Variants in ARHGEF15 observed in about 807,000 individuals in gnomAD.
ARHGEF15 encodes the protein Rho guanine nucleotide exchange factor (GEF) 15.
Under a neutral mutation model 79.7 loss-of-function variants are expected in ARHGEF15, and 58 were observed. The observed-to-expected ratio is 0.73, with a 90% confidence interval of 0.59 to 0.91. The LOEUF is 0.91. ARHGEF15 is among the 40% of genes least tolerant of loss of function. The probability of loss-of-function intolerance (pLI) is 0.00; values close to 1 mark genes in which losing one functional copy is unlikely to be tolerated. For missense variants in ARHGEF15, 1,012 were observed against 1,108.1 expected (o/e 0.91, Z 1.23); for synonymous variants, 442 against 456.0 (o/e 0.97, Z 0.39).
chr17:8,318,531 G>A lies in ARHGEF15; in HGVS notation c.1780-39G>A, dbSNP rs199669398. On this transcript the variant is annotated intron_variant, in intron 10 of 15. Transcript: ENST00000361926. The surrounding 1 kb of genome is among the most constrained non-coding windows in gnomAD (Gnocchi z 5.0). The stretch of plus-strand genomic sequence containing the variant: ...AGAGAGAAATGGTAGGGAGCAGGGG[G>A]CTGGCCGCTGGGGTGGTGACACAGC... 141 of 1,612,556 alleles carry A rather than the reference G, an allele frequency of 8.7e-5. No individual in the cohort carries two copies. Among genetic ancestry groups the A allele is most frequent in the Non-Finnish European group, 1.3e-5 (15 of 1,178,918 alleles).
intron 9 of ARHGEF15, among the ~76,000 whole-genome samples, chr17:8,317,256 C>T (rs76179142): frequency 0.014 from 2,160 of 151,976 alleles, 56 homozygotes; most frequent in African/African-American, 0.049. Flanking sequence ...CCACCATGCC[C>T]GGCTATTTAT....
intron 9 of ARHGEF15, among the ~76,000 whole-genome samples, chr17:8,317,002 C>T (rs1005251643): frequency 6.6e-6 from 1 of 151,756 alleles, no homozygotes; most frequent in African/African-American, 2.4e-5. Context: ...AGGCTGCTAT[C>T]GAACTCCTGA....
rs1597463646 is a variant in ARHGEF15, at chr17:8,315,570, G to A, written c.1417G>A (p.Glu473Lys). The A allele has an allele frequency of 2.5e-6, 4 of 1,607,800 alleles. No individual in the cohort carries two copies. Among genetic ancestry groups the A allele is most frequent in the East Asian group, 4.5e-5 (2 of 44,882 alleles). ...SNVQRVQGVS[E>K]RFLATLLSRV... ...TGTGCAGCGAGTCCAGGGAGTCAGC[G>A]AGCGGTCAGTGGCTTTCCGTCCTTC... is the stretch of plus-strand genomic sequence containing the variant. Residue 473 changes from glutamate (E) to lysine (K), a missense_variant, in exon 7 of 16, where the codon GAG (glutamate) becomes AAG (lysine). Transcript: ENST00000361926. This position sits in a 1 kb window ranked among gnomAD's most constrained non-coding sequence, Gnocchi z 4.3.
At chr17:8,320,729 G>A (rs971752714) in intron 15 of ARHGEF15, 113 bp from the exon 16 acceptor site, 5 of 925,850 alleles carry the variant, frequency 5.4e-6, no homozygotes, top group Non-Finnish European at 8.2e-6. Flanking sequence ...GCTTGTCCAT[G>A]AATTCCCACA....
At position 8,319,527 on chromosome 17, in the gene ARHGEF15, G is replaced by A. The variant is rs116448253; in HGVS notation, c.2298G>A (p.Ser766=). 6.0e-5 allele frequency: 97 copies of A among 1,610,604 alleles called. 2 individuals carry two copies. Among genetic ancestry groups the A allele is most frequent in the East Asian group, 5.6e-4 (25 of 44,854 alleles). ...GTTCCCAGGAACTGTGTTCAGAGTC[G>A]TCTGCACCTGCCAAGACTGAAGGAC... ...CDCSQELCSE[S]SAPAKTEGRS... Residue 766 remains serine, a synonymous_variant, in exon 15 of 16, where the codon TCG becomes TCA. Transcript: ENST00000361926.
Position 8,313,028 on chromosome 17 carries a change from G to C in ARHGEF15, c.708G>C (p.Arg236Ser), listed in dbSNP as rs34046779. ...TGGGGGGCTATGAGGAGGTCCCCAGGGTCCCCCGTCGGGCCTCCCCGCTGC... is the reference window on the plus strand; with the variant it reads ...TGGGGGGCTATGAGGAGGTCCCCAGCGTCCCCCGTCGGGCCTCCCCGCTGC... The part of the protein sequence containing the change: ...VPVGGYEEVP[R>S]VPRRASPLRT... Residue 236 changes from arginine to serine, a missense_variant, in exon 3 of 16, where the codon AGG becomes AGC. Transcript: ENST00000361926. 1 of 1,613,218 alleles carries C rather than the reference G, an allele frequency of 6.2e-7. No homozygotes were observed. The highest frequency in any genetic ancestry group is 2.2e-5 in the East Asian group (1 of 44,874).
Position 8,315,035 on chromosome 17 carries a change from G to C in ARHGEF15, c.1049-31G>C. The C allele has an allele frequency of 6.2e-7, 1 of 1,613,648 alleles. No individual in the cohort carries two copies. The highest frequency in any genetic ancestry group is 8.5e-7 in the Non-Finnish European group (1 of 1,179,734). On this transcript the variant is annotated intron_variant, in intron 5 of 15. Coordinates refer to ENST00000361926, the MANE Select transcript of ARHGEF15 (RefSeq NM_173728.4). This position sits in a 1 kb window ranked among gnomAD's most constrained non-coding sequence, Gnocchi z 4.3. ...GTGGGGAAGGGTTTGGGAGCCCTGG[G>C]CTTCCCTGAAGTGCTATGTTTGCCC...
intron 1 of ARHGEF15, among the ~76,000 whole-genome samples, chr17:8,311,474 T>C (rs1310933016): frequency 6.6e-6 from 1 of 151,496 alleles, no homozygotes; most frequent in African/African-American, 2.4e-5. Flanking sequence ...CTAAAAATAA[T>C]CCGGAAAGGG....
chr17:8,315,329 G>A lies in ARHGEF15; in HGVS notation c.1260+52G>A, dbSNP rs758770304. ...GGGGGGTGCTGGGGTTGGGCTGCAT[G>A]GGTCAGGCATAGGGGAGGAGGGCCC... On this transcript the variant is annotated intron_variant, in intron 6 of 15. Transcript: ENST00000361926. This position sits in a 1 kb window ranked among gnomAD's most constrained non-coding sequence, Gnocchi z 4.3. The A allele has an allele frequency of 6.2e-7, 1 of 1,611,062 alleles. No homozygotes were observed. The highest frequency in any genetic ancestry group is 1.7e-5 in the Admixed American group (1 of 59,924).
At position 8,319,557 on chromosome 17, in the gene ARHGEF15, T is replaced by C. The variant is rs1433621853; in HGVS notation, c.2328T>C (p.Ser776=). ...SSAPAKTEGR[S]LESRAAPKHL... Reference sequence around the variant, plus strand: ...CACCTGCCAAGACTGAAGGACGGAGTCTGGAGTCCAGGGCTGCCCCCAAAC... The same window carrying C: ...CACCTGCCAAGACTGAAGGACGGAGCCTGGAGTCCAGGGCTGCCCCCAAAC... The change falls in exon 15 of 16, where the codon AGT becomes AGC. Residue 776 remains serine, a synonymous_variant. Transcript: ENST00000361926. The C allele has an allele frequency of 6.2e-7, 1 of 1,611,156 alleles. No individual in the cohort carries two copies. The highest frequency in any genetic ancestry group is 1.3e-5 in the African/African-American group (1 of 74,744).
In ARHGEF15 at chr17:8,320,828, C is replaced by T. The variant is rs1452269966; in HGVS notation, c.2375-14C>T. The T allele has an allele frequency of 1.2e-6, 2 of 1,611,586 alleles. No homozygotes were observed. The highest frequency in any genetic ancestry group is 2.2e-5 in the East Asian group (1 of 44,886). On this transcript the variant is annotated splice_polypyrimidine_tract_variant and intron_variant, in intron 15 of 15. Transcript: ENST00000361926. Reference sequence around the variant, plus strand: ...GCCCCCACCTCATTGGAGCCTCTGTCTCTCTTCCCCCAGGTTGGCTGAAGG... The same window carrying T: ...GCCCCCACCTCATTGGAGCCTCTGTTTCTCTTCCCCCAGGTTGGCTGAAGG...
Position 8,313,115 on chromosome 17 carries a change from C to G in ARHGEF15, c.795C>G (p.Ser265=), listed in dbSNP as rs749526957. ...SIGHPAVVLT[S]YRSTAERKLL... ...GTCACCCTGCCGTTGTCCTCACATCCTACCGCTCCACTGCTGAGCGCAAAC... is the reference window on the plus strand; with the variant it reads ...GTCACCCTGCCGTTGTCCTCACATCGTACCGCTCCACTGCTGAGCGCAAAC... Residue 265 remains serine, a synonymous_variant, in exon 3 of 16, where the codon TCC becomes TCG. Transcript: ENST00000361926. The G allele has an allele frequency of 6.2e-7, 1 of 1,613,534 alleles. No homozygotes were observed. The highest frequency in any genetic ancestry group is 1.1e-5 in the South Asian group (1 of 91,072).
At position 8,320,972 on chromosome 17, in the gene ARHGEF15, C is replaced by T. The variant is rs907308477; in HGVS notation, c.2505C>T (p.Thr835=). ...AGGCTGTTGGATCTTCTTCAGGCAC[C>T]CCCAATGCCCCCCCACCCTAATGCA... is the stretch of plus-strand genomic sequence containing the variant. ...LLEAVGSSSG[T]PNAPPP Residue 835 remains threonine, a synonymous_variant, in exon 16 of 16, where the codon ACC becomes ACT. Transcript: ENST00000361926. 9.3e-6 allele frequency: 15 copies of T among 1,613,712 alleles called. No homozygotes were observed. Among genetic ancestry groups the T allele is most frequent in the Non-Finnish European group, 1.3e-5 (15 of 1,179,806 alleles).
In ARHGEF15 at chr17:8,313,570, C is replaced by CA; in HGVS notation, c.989+16dup. On this transcript the variant is annotated intron_variant, in intron 4 of 15. Coordinates refer to ENST00000361926, the MANE Select transcript of ARHGEF15 (RefSeq NM_173728.4). ...GTGGAGGGGAGGTACTGAACACCCCCACCCCTACTCCCTGGTTCTCTCCCC... is the reference window on the plus strand; with the variant it reads ...GTGGAGGGGAGGTACTGAACACCCCCAACCCCTACTCCCTGGTTCTCTCCCC... 1 of 1,610,176 alleles carries CA rather than the reference C, an allele frequency of 6.2e-7. No homozygotes were observed. Among genetic ancestry groups the CA allele is most frequent in the Non-Finnish European group, 8.5e-7 (1 of 1,178,764 alleles).
chr17:8,319,096 G>A lies in ARHGEF15; in HGVS notation c.2123G>A (p.Arg708His), dbSNP rs759419450. The A allele has an allele frequency of 6.8e-6, 11 of 1,613,764 alleles. No homozygotes were observed. The highest frequency in any genetic ancestry group is 2.2e-5 in the East Asian group (1 of 44,872). ...GATCCATCTGGACCCCCTACCTTCC[G>A]CCTCTCCCTTCTCAGCAACCACCAG... is the stretch of plus-strand genomic sequence containing the variant. ...VPDPSGPPTF[R>H]LSLLSNHQGR... is the part of the protein sequence containing the mutation. Residue 708 changes from arginine to histidine, a missense_variant, in exon 13 of 16, where the codon CGC becomes CAC. Physicochemically the swap from Arg to His is conservative, Grantham distance 29. Transcript: ENST00000361926.
rs1328957144 is a variant in ARHGEF15 at position 8,318,997 on chromosome 17, C to T, written c.2034-10C>T. On this transcript the variant is annotated splice_polypyrimidine_tract_variant and intron_variant, in intron 12 of 15. Coordinates refer to ENST00000361926, the MANE Select transcript of ARHGEF15 (RefSeq NM_173728.4). The surrounding 1 kb of genome is among the most constrained non-coding windows in gnomAD (Gnocchi z 5.0). Reference sequence around the variant, plus strand: ...CTGCTGTCCTTCTGAACGACCTCATCCCTGGGCAGTGGGCAGCGGTTACAG... The same window carrying T: ...CTGCTGTCCTTCTGAACGACCTCATTCCTGGGCAGTGGGCAGCGGTTACAG... The T allele has an allele frequency of 5.6e-6, 9 of 1,612,984 alleles. No homozygotes were observed. Among genetic ancestry groups the T allele is most frequent in the East Asian group, 2.2e-5 (1 of 44,866 alleles).
At chr17:8,316,957 A>G (rs1283924135) in intron 9 of ARHGEF15, among the ~76,000 whole-genome samples, 1 of 151,870 alleles carries the variant, frequency 6.6e-6, no homozygotes, top group South Asian at 2.1e-4. Context: ...TAATTTTTGT[A>G]TTATTAGTAG....
intron 2 of ARHGEF15, 117 bp from the exon 3 acceptor site, chr17:8,312,805 T>C: frequency 1.3e-6 from 2 of 1,554,802 alleles, no homozygotes; most frequent in Non-Finnish European, 1.8e-6. Context: ...GGAGGAGATC[T>C]ATAGATGCCT....
rs1336704004 is a variant in ARHGEF15, at chr17:8,318,859, C to T, written c.1982C>T (p.Pro661Leu). The T allele has an allele frequency of 1.2e-6, 2 of 1,613,438 alleles. No individual in the cohort carries two copies. Among genetic ancestry groups the T allele is most frequent in the Non-Finnish European group, 1.7e-6 (2 of 1,180,006 alleles). The change falls in exon 12 of 16, where the codon CCT (proline) becomes CTT (leucine). Residue 661 changes from proline to leucine, a missense_variant. Physicochemically the swap from Pro to Leu is moderately conservative, Grantham distance 98. Around this residue, in one of 3 missense-constraint regions of ARHGEF15, gnomAD observed 818 missense variants for 882.5 expected, o/e 0.93. Coordinates refer to ENST00000361926, the MANE Select transcript of ARHGEF15 (RefSeq NM_173728.4). The surrounding 1 kb of genome is among the most constrained non-coding windows in gnomAD (Gnocchi z 5.0). ...TTTGCCTCGCGCCCCCGCTTCACCC[C>T]TCTTTGCCTGCTGCTCTTTAGCGAC... ...VLFASRPRFT[P>L]LCLLLFSDLL... is the part of the protein sequence containing the mutation.
Sources: allele counts gnomAD v4.1 joint callset (sites outside exome capture counted in the v4.1 genomes callset), GRCh38; gene constraint gnomAD v4.1.1; regional missense constraint gnomAD v4.1.1; non-coding constraint Gnocchi (gnomAD v3.1); transcripts MANE v1.5; gene names NCBI Gene and HGNC (gene_info 2026-07-23, HGNC 2026-07-21).